Variants in GALNTL6 observed in about 807,000 individuals in gnomAD.
GALNTL6 encodes polypeptide N-acetylgalactosaminyltransferase-like 6.
A neutral mutation model predicts 73.7 loss-of-function variants in GALNTL6; 46 were observed. The ratio of observed to expected loss-of-function variants is 0.62; its 90% CI spans 0.49 to 0.80. The LOEUF (loss-of-function observed/expected upper bound fraction) is 0.80. Ranked by LOEUF, GALNTL6 falls within the 30% of genes least tolerant of loss-of-function variation. The pLI is 0.00. For missense variants in GALNTL6, 604 were observed against 755.0 expected, an observed-to-expected ratio of 0.80 and a Z score of 2.34; for synonymous variants, 259 against 263.7, an observed-to-expected ratio of 0.98 and a Z score of 0.17.
chr4:172,163,819 A>C (rs1734543015), intron 2 of GALNTL6, among the ~76,000 whole-genome samples: 1 of 152,030 alleles, frequency 6.6e-6, no homozygotes, highest in African/African-American at 2.4e-5. Context: ...AAAGGCAAAC[A>C]ACATACAGGC....
At chr4:172,748,157 G>A (rs1214006362) in intron 5 of GALNTL6, among the ~76,000 whole-genome samples, 2 of 152,120 alleles carry the variant, frequency 1.3e-5, no homozygotes, top group Non-Finnish European at 2.9e-5. Context: ...ATTTAAGAAA[G>A]ATTAATAAAA....
At chr4:172,210,806 T>C (rs181273691) in intron 2 of GALNTL6, among the ~76,000 whole-genome samples, 284 of 152,308 alleles carry the variant, frequency 1.9e-3, no homozygotes, top group Middle Eastern at 6.8e-3. Flanking sequence ...ACATAATTAA[T>C]TGGAATTCTT....
intron 2 of GALNTL6, among the ~76,000 whole-genome samples, chr4:172,078,176 A>G (rs954807246): frequency 4.6e-5 from 7 of 152,164 alleles, no homozygotes; most frequent in African/African-American, 1.7e-4. Context: ...AACCTCTACT[A>G]GGGCAGTGCA....
rs922523028 is a variant in GALNTL6, at chr4:171,900,951, G to A, written c.138+86233G>A. On this transcript the variant is annotated intron_variant, in intron 2 of 12. Coordinates refer to ENST00000506823, the MANE Select transcript of GALNTL6 (RefSeq NM_001034845.3). Reference sequence around the variant, plus strand: ...ATGGAAAATAATTGAATTTAATAATGATGAGGGCAAAACTATGGAGCAGGA... The same window carrying A: ...ATGGAAAATAATTGAATTTAATAATAATGAGGGCAAAACTATGGAGCAGGA... 3.3e-5 allele frequency among the ~76,000 whole-genome samples: 5 copies of A among 152,118 alleles called. No homozygotes were observed. In the East Asian group the frequency reaches 9.6e-4, roughly 29 times the overall value.
chr4:172,623,358 T>C (rs930599270), intron 5 of GALNTL6, among the ~76,000 whole-genome samples: 2 of 151,992 alleles, frequency 1.3e-5, no homozygotes, highest in Non-Finnish European at 1.5e-5. Flanking sequence ...TGTGATCATA[T>C]GTATATAATT....
At chr4:172,435,805 A>C (rs1319908679) in intron 5 of GALNTL6, among the ~76,000 whole-genome samples, 2 of 152,120 alleles carry the variant, frequency 1.3e-5, no homozygotes. Context: ...TTCTTCTTTA[A>C]AAGAAGTTAG....
chr4:172,384,695 T>G (rs1041368711), intron 5 of GALNTL6, among the ~76,000 whole-genome samples: 9 of 152,174 alleles, frequency 5.9e-5, no homozygotes, highest in African/African-American at 2.2e-4. Context: ...AGGTTATTGA[T>G]TTGAAATTCT....
chr4:172,020,453 A>G (rs967545793), intron 2 of GALNTL6, among the ~76,000 whole-genome samples: 8 of 151,980 alleles, frequency 5.3e-5, no homozygotes, highest in African/African-American at 1.4e-4. Flanking sequence ...ATCCAAATAC[A>G]TAAAATCAGA....
At chr4:172,003,678 C>T (rs949435976) in intron 2 of GALNTL6, among the ~76,000 whole-genome samples, 2 of 152,050 alleles carry the variant, frequency 1.3e-5, no homozygotes, top group Admixed American at 1.3e-4. Flanking sequence ...TTTCATCACC[C>T]CTTCGAAAGA....
chr4:172,563,338 GA>G (rs1228690236), intron 5 of GALNTL6, among the ~76,000 whole-genome samples: 3 of 142,748 alleles, frequency 2.1e-5, no homozygotes, highest in Non-Finnish European at 4.7e-5. Flanking sequence ...GCCACGATAT[GA>G]GGAGCCCAAA....
At chr4:172,399,850 C>A (rs1335708084) in intron 5 of GALNTL6, among the ~76,000 whole-genome samples, 1 of 151,726 alleles carries the variant, frequency 6.6e-6, no homozygotes, top group African/African-American at 2.4e-5. Context: ...ATTTTTTTGC[C>A]CTAAATTTAC....
intron 2 of GALNTL6, among the ~76,000 whole-genome samples, chr4:172,031,254 CA>C (rs765436588): frequency 1.2e-4 from 19 of 152,002 alleles, no homozygotes; most frequent in Non-Finnish European, 2.8e-4. Context: ...TGAAAAATGC[CA>C]AACAAAAATT....
chr4:171,942,456 T>C (rs1275597102), intron 2 of GALNTL6, among the ~76,000 whole-genome samples: 1 of 152,146 alleles, frequency 6.6e-6, no homozygotes, highest in Non-Finnish European at 1.5e-5. Flanking sequence ...AGGTCTTATT[T>C]GAATCACTAT....
intron 8 of GALNTL6, among the ~76,000 whole-genome samples, chr4:172,893,739 A>ACC (rs1462160139): frequency 2.6e-5 from 4 of 152,206 alleles, no homozygotes; most frequent in Non-Finnish European, 5.9e-5. Context: ...GGGGAAGGGT[A>ACC]CCTATGGTCA....
intron 2 of GALNTL6, among the ~76,000 whole-genome samples, chr4:172,029,119 G>A (rs918507350): frequency 6.6e-6 from 1 of 151,502 alleles, no homozygotes; most frequent in Non-Finnish European, 1.5e-5. Context: ...GGGAAGAAAT[G>A]GTCTTTTTTC....
chr4:172,668,206 G>A (rs779140805), intron 5 of GALNTL6: 4 of 152,100 alleles, frequency 2.6e-5, no homozygotes, highest in Non-Finnish European at 5.9e-5. Flanking sequence ...GACTACATTA[G>A]GAATTTGAAT....
At chr4:172,610,980 T>C (rs1426739982) in intron 5 of GALNTL6, among the ~76,000 whole-genome samples, 1 of 152,096 alleles carries the variant, frequency 6.6e-6, no homozygotes, top group Non-Finnish European at 1.5e-5. Flanking sequence ...TAAAGTCTGT[T>C]TTGTCTGAAA....
intron 5 of GALNTL6, among the ~76,000 whole-genome samples, chr4:172,614,915 C>T (rs959144236): frequency 1.3e-5 from 2 of 152,172 alleles, no homozygotes; most frequent in Non-Finnish European, 2.9e-5. Context: ...TGAGGTCAAC[C>T]GTGAGCAGAA....
chr4:172,197,789 C>G (rs553218243), intron 2 of GALNTL6, among the ~76,000 whole-genome samples: 1 of 152,008 alleles, frequency 6.6e-6, no homozygotes, highest in Non-Finnish European at 1.5e-5. Context: ...AAAATTAACT[C>G]AAGATGAATT....
Sources: gnomAD v4.1 joint callset for allele counts (sites outside exome capture counted in the v4.1 genomes callset) on GRCh38, gnomAD v4.1.1 for gene constraint, MANE v1.5 for transcripts, NCBI Gene and HGNC (gene_info 2026-07-23, HGNC 2026-07-21) for gene names.